AKAP9: variants seen among roughly 807,000 people sequenced by gnomAD.
AKAP9 encodes A-kinase anchor protein 9.
AKAP9 carries 311 observed loss-of-function variants against 488.5 expected under a neutral mutation model. The ratio of observed to expected loss-of-function variants is 0.64; its 90% CI spans 0.58 to 0.70. AKAP9 has a LOEUF of 0.70. Ranked by LOEUF, AKAP9 falls within the 30% of genes least tolerant of loss-of-function variation. AKAP9 has a pLI of 0.00. For missense variants in AKAP9, 4,215 were observed against 4,374.5 expected (o/e 0.96, Z 1.03); for synonymous variants, 1,462 against 1,483.5 (o/e 0.99, Z 0.33).
chr7:91,949,710 A>G (rs1002873279), intron 1 of AKAP9, among the ~76,000 whole-genome samples: 5 of 152,224 alleles, frequency 3.3e-5, no homozygotes, highest in Non-Finnish European at 7.3e-5. Flanking sequence ...GTTTAACAGT[A>G]TTCAAAAGTG....
chr7:92,040,565 G>A (rs1429661153), intron 17 of AKAP9, 109 bp from the exon 18 acceptor site: 2 of 754,396 alleles, frequency 2.7e-6, no homozygotes, highest in South Asian at 1.8e-5. Flanking sequence ...ATGCTTTATG[G>A]GATAAGGAAT....
intron 46 of AKAP9, among the ~76,000 whole-genome samples, chr7:92,103,354 ACACTC>A (rs1817920204): frequency 7.4e-6 from 1 of 135,044 alleles, no homozygotes; most frequent in African/African-American, 2.9e-5. Context: ...CGGCGCCACT[ACACTC>A]CAGCCATGTG....
chr7:91,996,255 G>C (rs889838324), intron 7 of AKAP9, among the ~76,000 whole-genome samples: 2 of 152,080 alleles, frequency 1.3e-5, no homozygotes, highest in South Asian at 2.1e-4. Flanking sequence ...GTTCTCTGGT[G>C]GGGGATTGTT....
intron 31 of AKAP9, among the ~76,000 whole-genome samples, chr7:92,082,152 C>T (rs2097739): frequency 0.4 from 60,877 of 151,820 alleles, 12,506 homozygotes; most frequent in African/African-American, 0.46. Context: ...CCAGACTGGC[C>T]TCAAACTCCT....
chr7:91,982,911 G>A (rs1008815220), intron 3 of AKAP9, among the ~76,000 whole-genome samples: 2 of 152,024 alleles, frequency 1.3e-5, no homozygotes, highest in Non-Finnish European at 2.9e-5. Flanking sequence ...TCTCATTGTG[G>A]TTTTGATTTG....
intron 2 of AKAP9, among the ~76,000 whole-genome samples, chr7:91,975,921 GTTTGT>G (rs1795617498): frequency 9.0e-6 from 1 of 111,696 alleles, no homozygotes; most frequent in South Asian, 2.8e-4. Flanking sequence ...TTGTTTGTTT[GTTTGT>G]TTTTTTTTTT....
At chr7:92,036,922 C>CT (rs1805289775) in intron 16 of AKAP9, among the ~76,000 whole-genome samples, 1 of 152,160 alleles carries the variant, frequency 6.6e-6, no homozygotes, top group African/African-American at 2.4e-5. Context: ...TCTTTCTGAG[C>CT]TAGCATAGGC....
chr7:92,080,407 T>G (rs915942406), intron 31 of AKAP9, among the ~76,000 whole-genome samples: 2 of 151,938 alleles, frequency 1.3e-5, no homozygotes, highest in African/African-American at 4.8e-5. Context: ...GACCATCCTG[T>G]CTAACACGGT....
At chr7:92,081,326 CAG>C (rs1313105171) in intron 31 of AKAP9, among the ~76,000 whole-genome samples, 1 of 149,254 alleles carries the variant, frequency 6.7e-6, no homozygotes, top group African/African-American at 2.5e-5. Context: ...TTTCTTGAGA[CAG>C]AGTCTCGCTC....
At chr7:91,987,658 T>G (rs977206812) in intron 3 of AKAP9, among the ~76,000 whole-genome samples, 6 of 152,222 alleles carry the variant, frequency 3.9e-5, no homozygotes, top group African/African-American at 1.2e-4. Flanking sequence ...GGATCTGTGA[T>G]GCTCTAGGCT....
chr7:91,954,020 C>T (rs418), intron 1 of AKAP9, among the ~76,000 whole-genome samples: 65,452 of 151,826 alleles, frequency 0.43, 15,352 homozygotes, highest in Admixed American at 0.52. Flanking sequence ...ACTCGTTAAG[C>T]GAAGGAGAGA....
chr7:92,013,812 A>G (rs1451123918), intron 9 of AKAP9, among the ~76,000 whole-genome samples: 1 of 152,032 alleles, frequency 6.6e-6, no homozygotes, highest in Non-Finnish European at 1.5e-5. Flanking sequence ...TTTTCAAACT[A>G]GAGGCTAATG....
chr7:91,992,430 G>A (rs1020941704), intron 4 of AKAP9, among the ~76,000 whole-genome samples: 26 of 152,032 alleles, frequency 1.7e-4, no homozygotes, highest in African/African-American at 6.3e-4. Context: ...TTGGGAGGCC[G>A]AGGCAGGTGG....
chr7:91,997,486 A>C (rs1321232387), intron 7 of AKAP9, among the ~76,000 whole-genome samples: 3 of 152,234 alleles, frequency 2.0e-5, no homozygotes, highest in Admixed American at 6.5e-5. Context: ...CTCAATACTC[A>C]CTTTGTAAAC....
In AKAP9 at chr7:92,061,278, A is replaced by T. The variant is rs772601117; in HGVS notation, c.5620A>T (p.Thr1874Ser). The T allele has an allele frequency of 3.1e-6, 5 of 1,612,552 alleles. No homozygotes were observed. The highest frequency in any genetic ancestry group is 3.4e-6 in the Non-Finnish European group (4 of 1,179,022). Residue 1874 changes from threonine to serine, a missense_variant, in exon 23 of 50, where the codon ACA becomes TCA. Physicochemically the swap from Thr to Ser is moderately conservative, Grantham distance 58. This residue lies in a region of AKAP9 where 2,361 missense variants were observed against 2,430.0 expected (regional missense o/e 0.97). Coordinates refer to ENST00000356239, the MANE Select transcript of AKAP9 (RefSeq NM_005751.5). ...TGTTTAGCTTGAACATGCGAAAGTG[A>T]CACAGACAGAGTTGATGCGTGAGTC... ...TSSQLEHAKVTQTELMRESFR... is the reference protein window; with the variant it reads ...TSSQLEHAKVSQTELMRESFR...
chr7:92,035,341 C>A (rs1307353607), intron 16 of AKAP9, among the ~76,000 whole-genome samples: 3 of 152,062 alleles, frequency 2.0e-5, no homozygotes, highest in Non-Finnish European at 2.9e-5. Flanking sequence ...AATTTCAGTT[C>A]TTTTAAATTT....
At chr7:92,059,860 CTCTT>C (rs1177788312) in intron 22 of AKAP9, among the ~76,000 whole-genome samples, 1 of 151,748 alleles carries the variant, frequency 6.6e-6, no homozygotes, top group African/African-American at 2.4e-5. Flanking sequence ...AAAGGAAAAA[CTCTT>C]TCCAGTTAAA....
chr7:92,110,378 A>G lies in AKAP9; in HGVS notation c.*219A>G. The G allele has an allele frequency of 1.8e-6, 1 of 546,542 alleles. No individual in the cohort carries two copies. The highest frequency in any genetic ancestry group is 3.3e-5 in the Admixed American group (1 of 30,232). 33.9% of individuals were successfully genotyped at this position (546,542 alleles called of 1,614,324 possible). A position where few individuals can be genotyped will look rare whatever the true frequency, so the allele number is the denominator to read the frequency against. Reference sequence around the variant, plus strand: ...GCACAATAATTATTGAATTACCTGTATATTTGTGGAATGCTAATTTAAAAC... The same window carrying G: ...GCACAATAATTATTGAATTACCTGTGTATTTGTGGAATGCTAATTTAAAAC... On this transcript the variant is annotated 3_prime_UTR_variant, in exon 50 of 50. Transcript: ENST00000356239.
rs533615444 is a variant in AKAP9, at chr7:92,037,519, G to A, written c.4339-900G>A. 1.5e-3 allele frequency among the ~76,000 whole-genome samples: 222 copies of A among 152,256 alleles called. 1 individual carries two copies. Among genetic ancestry groups the A allele is most frequent in the African/African-American group, 5.0e-3 (209 of 41,566 alleles). On this transcript the variant is annotated intron_variant, in intron 16 of 49. Transcript: ENST00000356239. ...CTTCTTTCATTATAAATTATCTATGGAAAAAGGACTTAAAGTTATTGATAC... is the reference window on the plus strand; with the variant it reads ...CTTCTTTCATTATAAATTATCTATGAAAAAAGGACTTAAAGTTATTGATAC...
Sources: allele counts gnomAD v4.1 joint callset (sites outside exome capture counted in the v4.1 genomes callset), GRCh38; gene constraint gnomAD v4.1.1; regional missense constraint gnomAD v4.1.1; transcripts MANE v1.5; gene names NCBI Gene and HGNC (gene_info 2026-07-23, HGNC 2026-07-21).